ROBO2: variants seen among roughly 807,000 people sequenced by gnomAD.
ROBO2 encodes roundabout homolog 2.
Under a neutral mutation model 160.8 loss-of-function variants are expected in ROBO2, and 53 were observed. The observed-to-expected ratio is 0.33, with a 90% CI of 0.26 to 0.41. The LOEUF is 0.41. ROBO2 is among the 10% of genes least tolerant of loss of function. ROBO2 has a pLI of 1.00. For missense variants in ROBO2, 1,577 were observed against 1,722.4 expected (o/e 0.92, Z 1.49); for synonymous variants, 664 against 611.7 (o/e 1.09, Z -1.26).
At chr3:77,596,853 C>T in intron 19 of ROBO2, 103 bp downstream of exon 20, 1 of 1,336,790 alleles carries the variant, frequency 7.5e-7, no homozygotes, top group Admixed American at 1.9e-5. Flanking sequence ...AGAGTATTTA[C>T]TCCCATAATT....
chr3:76,905,798 A>G (rs2075563657), intron 2 of ROBO2, among the ~76,000 whole-genome samples: 1 of 152,180 alleles, frequency 6.6e-6, no homozygotes, highest in Non-Finnish European at 1.5e-5. Context: ...GCCATCATTT[A>G]TGAGTGCGGA....
chr3:76,391,096 A>C (rs1027611813), intron 2 of ROBO2, among the ~76,000 whole-genome samples: 5 of 151,972 alleles, frequency 3.3e-5, no homozygotes, highest in Non-Finnish European at 7.4e-5. Context: ...GTTATAATAA[A>C]TATTATAAAT....
chr3:76,472,565 C>T (rs553403483), intron 2 of ROBO2, among the ~76,000 whole-genome samples: 1 of 152,222 alleles, frequency 6.6e-6, no homozygotes, highest in Non-Finnish European at 1.5e-5. Context: ...TAGCATATGT[C>T]AATTGCTTTA....
intron 2 of ROBO2, among the ~76,000 whole-genome samples, chr3:76,379,974 C>A (rs2108543509): frequency 6.6e-6 from 1 of 151,844 alleles, no homozygotes; most frequent in East Asian, 1.9e-4. Flanking sequence ...ATGTGACTTG[C>A]TTGATTCTTA....
intron 2 of ROBO2, among the ~76,000 whole-genome samples, chr3:76,059,826 A>G (rs898593214): frequency 3.3e-5 from 5 of 152,140 alleles, no homozygotes; most frequent in Non-Finnish European, 5.9e-5. Context: ...TAATTTTTGT[A>G]TAAGGTGTGA....
intron 2 of ROBO2, among the ~76,000 whole-genome samples, chr3:77,262,689 T>A (rs1213977155): frequency 6.6e-6 from 1 of 152,050 alleles, no homozygotes; most frequent in Non-Finnish European, 1.5e-5. Flanking sequence ...AAAAAAATAA[T>A]TTAAAAAAAT....
chr3:76,909,959 T>C (rs1056149024), intron 2 of ROBO2, among the ~76,000 whole-genome samples: 10 of 152,186 alleles, frequency 6.6e-5, no homozygotes, highest in African/African-American at 2.4e-4. Flanking sequence ...CTTTGTAAAT[T>C]TAAACAATTT....
intron 2 of ROBO2, among the ~76,000 whole-genome samples, chr3:76,356,571 G>A (rs2075179967): frequency 6.6e-6 from 1 of 151,310 alleles, no homozygotes; most frequent in Non-Finnish European, 1.5e-5. Flanking sequence ...ATTATATAAG[G>A]GTCAGGTTAC....
chr3:76,944,909 G>A lies in ROBO2; in HGVS notation c.110-153105G>A, dbSNP rs1306292836. Among the ~76,000 whole-genome samples the A allele has an allele frequency of 6.0e-5, 9 of 150,244 alleles. No individual in the cohort carries two copies. The South Asian group carries it at 1.7e-3, about 28-fold the overall frequency. On this transcript the variant is annotated intron_variant, in intron 2 of 26. Transcript: ENST00000487694. Reference sequence around the variant, plus strand: ...TGCTGTGATGGCTTTTTTTTTTTTAGACGGAGTCTCGCTCTGTTGCCCAGG... The same window carrying A: ...TGCTGTGATGGCTTTTTTTTTTTTAAACGGAGTCTCGCTCTGTTGCCCAGG...
At chr3:77,517,051 T>C (rs1024177344) in intron 5 of ROBO2, among the ~76,000 whole-genome samples, 1 of 151,340 alleles carries the variant, frequency 6.6e-6, no homozygotes, top group Non-Finnish European at 1.5e-5. Flanking sequence ...CTCTTGGAAA[T>C]AAAGAAGACA....
At chr3:77,035,263 C>T (rs1337023619), upstream of ROBO2, among the ~76,000 whole-genome samples, 1 of 151,820 alleles carries the variant, frequency 6.6e-6, no homozygotes, top group Admixed American at 6.6e-5. Flanking sequence ...TAAATAAAAT[C>T]TCATCCATGA....
chr3:76,879,875 G>A (rs919996573), intron 2 of ROBO2, among the ~76,000 whole-genome samples: 5 of 152,208 alleles, frequency 3.3e-5, no homozygotes, highest in African/African-American at 1.2e-4. Flanking sequence ...AAAATATATT[G>A]GGAGTGTAAT....
intron 2 of ROBO2, among the ~76,000 whole-genome samples, chr3:76,297,414 C>T (rs927658783): frequency 1.3e-5 from 2 of 152,028 alleles, no homozygotes; most frequent in Non-Finnish European, 2.9e-5. Context: ...CTGAGTAAAA[C>T]GAGAGTGAGG....
At chr3:76,202,338 A>G (rs574644839) in intron 2 of ROBO2, among the ~76,000 whole-genome samples, 1 of 152,326 alleles carries the variant, frequency 6.6e-6, no homozygotes, top group East Asian at 1.9e-4. Flanking sequence ...CAAGGAGGAT[A>G]TCTTACCACA....
At chr3:76,593,130 C>T (rs2086520981) in intron 2 of ROBO2, among the ~76,000 whole-genome samples, 1 of 152,074 alleles carries the variant, frequency 6.6e-6, no homozygotes, top group Non-Finnish European at 1.5e-5. Flanking sequence ...CACTGTGCAT[C>T]ATGCTGAATA....
intron 23 of ROBO2, among the ~76,000 whole-genome samples, chr3:77,623,726 C>T (rs1295349182): frequency 6.6e-6 from 1 of 152,124 alleles, no homozygotes; most frequent in East Asian, 1.9e-4. Context: ...TGTTAAGCCC[C>T]TTTGCCTGAA....
At chr3:76,129,798 C>G (rs1165156616) in intron 2 of ROBO2, among the ~76,000 whole-genome samples, 1 of 151,948 alleles carries the variant, frequency 6.6e-6, no homozygotes, top group Non-Finnish European at 1.5e-5. Flanking sequence ...TGATTCACTT[C>G]TGCTTGGCAT....
intron 2 of ROBO2, among the ~76,000 whole-genome samples, chr3:76,857,174 A>G (rs991903201): frequency 6.6e-6 from 1 of 151,854 alleles, no homozygotes; most frequent in African/African-American, 2.4e-5. Context: ...TTTAGTAGAG[A>G]CGGGGTTTCA....
intron 2 of ROBO2, among the ~76,000 whole-genome samples, chr3:77,018,890 A>T (rs953605438): frequency 6.6e-6 from 1 of 152,188 alleles, no homozygotes; most frequent in South Asian, 2.1e-4. Context: ...TACTAGGAGT[A>T]AGGGTAATCT....
Sources: gnomAD v4.1 joint callset for allele counts (sites outside exome capture counted in the v4.1 genomes callset) on GRCh38, gnomAD v4.1.1 for gene constraint, MANE v1.5 for transcripts, NCBI Gene and HGNC (gene_info 2026-07-23, HGNC 2026-07-21) for gene names.